The following PVALEF variants were observed in gnomAD, a reference collection of about 807,000 sequenced individuals.
The protein encoded by PVALEF is parvalbumin like EF-hand containing, also known as parvalbumin-like EF-hand-containing protein.
Under a neutral mutation model 1.2 loss-of-function variants are expected in PVALEF, and 2 were observed. The ratio of observed to expected loss-of-function variants is 1.68; its 90% confidence interval spans 0.69 to 5.28. The LOEUF is 5.28. Among genes scored for constraint, PVALEF ranks in the 30% most tolerant of loss-of-function variants. PVALEF has a pLI of 0.06. For missense variants in PVALEF, 35 were observed against 17.7 expected, an observed-to-expected ratio of 1.97 and a Z score of -1.75; for synonymous variants, 16 against 6.5, an observed-to-expected ratio of 2.47 and a Z score of -2.24.
intron 4 of PVALEF, 108 bp downstream of exon 4, chr17:81,181,440 C>A (rs377106235): frequency 3.9e-6 from 2 of 518,298 alleles, no homozygotes; most frequent in East Asian, 3.3e-5. Flanking sequence ...CCAGGACCTG[C>A]GGCGGGCGGG....
intron 2 of PVALEF, among the ~76,000 whole-genome samples, chr17:81,170,761 G>A (rs1293339395): frequency 1.3e-5 from 2 of 152,166 alleles, no homozygotes; most frequent in Non-Finnish European, 2.9e-5. Context: ...CCCCAAGGAT[G>A]CCCCTGCCTG....
chr17:81,179,022 CG>C lies in PVALEF; in HGVS notation c.-231del. 2 of 451,210 alleles carry C rather than the reference CG, an allele frequency of 4.4e-6. No individual in the cohort carries two copies. The highest frequency in any genetic ancestry group is 9.0e-6 in the Non-Finnish European group (2 of 223,254). The allele number at this position is 451,210 out of a possible 1,614,324, so 28.0% of individuals were successfully genotyped here. ...AGCTGCCCGTGCCAGGCTGGAGTGC[CG>C]GGGAGGGGCGAGGACAGCTGCAGCC... On this transcript the variant is annotated 5_prime_UTR_variant, in exon 3 of 7. It introduces an in-frame stop codon into an upstream open reading frame of the 5' UTR. Coordinates refer to ENST00000637878, the MANE Select transcript of PVALEF (RefSeq NM_001354639.2).
chr17:81,182,674 G>A (rs1159851720), intron 6 of PVALEF, among the ~76,000 whole-genome samples: 1 of 152,230 alleles, frequency 6.6e-6, no homozygotes, highest in Admixed American at 6.5e-5. Context: ...GGTCTGGTGG[G>A]AATTCCTGAG....
Position 81,172,798 on chromosome 17 carries a change from C to T in PVALEF, c.-340+5954C>T, listed in dbSNP as rs1040247847. Among the ~76,000 whole-genome samples the T allele has an allele frequency of 2.6e-5, 4 of 152,034 alleles. No individual in the cohort carries two copies. The East Asian group carries it at 7.7e-4, about 29-fold the overall frequency. ...CAAAACAAAACAAAAAGTTGCTGGA[C>T]CGTCCTCAGCTCCCAGGCACAACAC... On this transcript the variant is annotated intron_variant, in intron 2 of 6. Transcript: ENST00000637878.
Position 81,178,985 on chromosome 17 carries a change from C to A in PVALEF, c.-272C>A. 2.4e-6 allele frequency: 1 copy of A among 424,442 alleles called. No individual in the cohort carries two copies. The highest frequency in any genetic ancestry group is 4.8e-6 in the Non-Finnish European group (1 of 209,218). The allele number at this position is 424,442 out of a possible 1,614,324, so 26.3% of individuals were successfully genotyped here. ...CCAGTGTGGACACACCAAGTGCCTG[C>A]GAGCCCCTGGGAGCTGCCCGTGCCA... On this transcript the variant is annotated 5_prime_UTR_variant, in exon 3 of 7. It introduces an in-frame stop codon into an upstream open reading frame of the 5' UTR. Transcript: ENST00000637878.
At chr17:81,165,863 GC>G in intron 1 of PVALEF, 116 bp downstream of exon 1, 1 of 1,535,810 alleles carries the variant, frequency 6.5e-7, no homozygotes, top group Non-Finnish European at 8.8e-7. Flanking sequence ...CAAACCGGGA[GC>G]CGTGGGGCCC....
chr17:81,173,027 C>G (rs981125123), intron 2 of PVALEF, among the ~76,000 whole-genome samples: 4 of 152,194 alleles, frequency 2.6e-5, no homozygotes, highest in Middle Eastern at 3.2e-3. Flanking sequence ...GAAACAAATG[C>G]ACAGTGAAGC....
chr17:81,176,281 G>T (rs2061535417), intron 2 of PVALEF, among the ~76,000 whole-genome samples: 1 of 152,178 alleles, frequency 6.6e-6, no homozygotes, highest in African/African-American at 2.4e-5. Context: ...CGCTTTGGGA[G>T]GCCAAACTGG....
At position 81,167,518 on chromosome 17, in the gene PVALEF, G is replaced by A. The variant is rs138220987; in HGVS notation, c.-340+674G>A. On this transcript the variant is annotated intron_variant, in intron 2 of 6. Coordinates refer to ENST00000637878, the MANE Select transcript of PVALEF (RefSeq NM_001354639.2). ...TAGGGAGAGAAAGGAGCCTGTTCCC[G>A]GCAGAGGGACCTGCAGAGACCAGGA... Among the ~76,000 whole-genome samples, 797 of 152,322 alleles carry A rather than the reference G, an allele frequency of 5.2e-3. 6 individuals are homozygous for A. Among genetic ancestry groups the A allele is most frequent in the African/African-American group, 0.018 (739 of 41,568 alleles).
At position 81,180,927 on chromosome 17, in the gene PVALEF, C is replaced by T. The variant is rs112644219; in HGVS notation, c.-104-196C>T. Among the ~76,000 whole-genome samples the T allele has an allele frequency of 9.3e-3, 1,411 of 152,280 alleles. 26 individuals are homozygous for T. The highest frequency in any genetic ancestry group is 0.032 in the African/African-American group (1,342 of 41,554). On this transcript the variant is annotated intron_variant, in intron 3 of 6. Coordinates refer to ENST00000637878, the MANE Select transcript of PVALEF (RefSeq NM_001354639.2). ...GCTGTGCTGAGCCCCAGAACCCAAC[C>T]CCCCCTGGGGACGGCAACCTGAGAG...
In PVALEF at chr17:81,165,602, C is replaced by T. The variant is rs531462374; in HGVS notation, c.-653C>T. On this transcript the variant is annotated 5_prime_UTR_variant, in exon 1 of 7. Transcript: ENST00000637878. ...TGAACCCCAGCTGGCTGACACCCCCCACACCCCCAAGGGCCCTTAGTCTGA... is the reference window on the plus strand; with the variant it reads ...TGAACCCCAGCTGGCTGACACCCCCTACACCCCCAAGGGCCCTTAGTCTGA... The T allele has an allele frequency of 4.9e-5, 69 of 1,398,306 alleles. 2 individuals carry two copies. The South Asian group carries it at 8.0e-4, about 16-fold the overall frequency. 86.6% of individuals were successfully genotyped at this position (1,398,306 alleles called of 1,614,324 possible).
intron 2 of PVALEF, among the ~76,000 whole-genome samples, chr17:81,177,099 G>A (rs7503993): frequency 0.24 from 35,683 of 151,044 alleles, 4,546 homozygotes; most frequent in Non-Finnish European, 0.28. Flanking sequence ...GCTAATTTCC[G>A]TATTTTTAGT....
At chr17:81,179,770 C>T (rs567558880) in intron 3 of PVALEF, among the ~76,000 whole-genome samples, 115 of 152,200 alleles carry the variant, frequency 7.6e-4, no homozygotes, top group African/African-American at 2.6e-3. Flanking sequence ...AATGGAAGGT[C>T]GGGAATGGCC....
At chr17:81,167,365 TTCAC>T (rs1394499394) in intron 2 of PVALEF, among the ~76,000 whole-genome samples, 3 of 152,250 alleles carry the variant, frequency 2.0e-5, no homozygotes, top group African/African-American at 4.8e-5. Flanking sequence ...CACTCATTCA[TTCAC>T]TCACTCATTC....
intron 2 of PVALEF, among the ~76,000 whole-genome samples, chr17:81,175,600 G>T (rs1343769792): frequency 6.6e-6 from 1 of 152,138 alleles, no homozygotes; most frequent in Non-Finnish European, 1.5e-5. Context: ...ATAAACCAGT[G>T]GAATAGAACA....
intron 2 of PVALEF, among the ~76,000 whole-genome samples, chr17:81,177,785 C>G (rs534158151): frequency 1.3e-5 from 2 of 152,202 alleles, no homozygotes; most frequent in Non-Finnish European, 2.9e-5. Context: ...TTCATCTCAT[C>G]CAAAAGCTAT....
At chr17:81,173,038 G>A (rs193262737) in intron 2 of PVALEF, among the ~76,000 whole-genome samples, 7 of 152,298 alleles carry the variant, frequency 4.6e-5, no homozygotes, top group Non-Finnish European at 7.4e-5. Flanking sequence ...ACAGTGAAGC[G>A]TCTCCTTCCA....
In PVALEF at chr17:81,168,607, C is replaced by T. The variant is rs528732700; in HGVS notation, c.-340+1763C>T. ...GAAGACATAGCTGTCTGCTATCCCC[C>T]GGCCTGGGGGAAGGCATGATCTCCG... On this transcript the variant is annotated intron_variant, in intron 2 of 6. Coordinates refer to ENST00000637878, the MANE Select transcript of PVALEF (RefSeq NM_001354639.2). Among the ~76,000 whole-genome samples the T allele has an allele frequency of 1.1e-4, 17 of 152,304 alleles. No homozygotes were observed. The East Asian group carries it at 1.5e-3, about 14-fold the overall frequency.
chr17:81,166,643 T>A (rs1175853611), intron 1 of PVALEF, 34 bp from the exon 2 acceptor site: 1 of 452,206 alleles, frequency 2.2e-6, no homozygotes, highest in African/African-American at 2.0e-5. Flanking sequence ...CCAGGGCGGG[T>A]CTTGGTGCTC....
Sources: gnomAD v4.1 joint callset for allele counts (sites outside exome capture counted in the v4.1 genomes callset) on GRCh38, gnomAD v4.1.1 for gene constraint, MANE v1.5 for transcripts, NCBI Gene and HGNC (gene_info 2026-07-23, HGNC 2026-07-21) for gene names.